PITPNM2: variants seen among roughly 807,000 people sequenced by gnomAD.
The protein encoded by PITPNM2 is membrane-associated phosphatidylinositol transfer protein 2.
In PITPNM2, 35 loss-of-function variants were observed where a neutral mutation model predicts 132.2. The ratio of observed to expected loss-of-function variants is 0.26; its 90% CI spans 0.20 to 0.35. The LOEUF (loss-of-function observed/expected upper bound fraction) is 0.35. PITPNM2 is among the 10% of genes least tolerant of loss of function. The probability of loss-of-function intolerance (pLI) is 1.00; values close to 1 mark genes in which losing one functional copy is unlikely to be tolerated. For missense variants in PITPNM2, 1,332 were observed against 1,912.0 expected (o/e 0.70, Z 5.66); for synonymous variants, 738 against 799.2 (o/e 0.92, Z 1.29).
At chr12:123,130,650 G>A (rs1441178058) in intron 1 of PITPNM2, among the ~76,000 whole-genome samples, 1 of 152,138 alleles carries the variant, frequency 6.6e-6, no homozygotes, top group Admixed American at 6.5e-5. Context: ...CGTGGTGGCG[G>A]GCGCCTGTAG....
At chr12:123,122,011 C>T (rs1371433729) in intron 1 of PITPNM2, among the ~76,000 whole-genome samples, 3 of 152,160 alleles carry the variant, frequency 2.0e-5, no homozygotes, top group Non-Finnish European at 4.4e-5. Flanking sequence ...AGGCACACAC[C>T]GCCATGCCCA....
At position 123,108,283 on chromosome 12, in the gene PITPNM2, G is replaced by A. The variant is rs531850726; in HGVS notation, c.-96+2102C>T. ...ATTTTAGGTCTAAGTGAAGACCTTC[G>A]GATGAGGTGAGCTGCAAGGCCATGG... On this transcript the variant is annotated intron_variant, in intron 2 of 25. Coordinates refer to ENST00000320201, the MANE Select transcript of PITPNM2 (RefSeq NM_020845.3). This position sits in a 1 kb window ranked among gnomAD's most constrained non-coding sequence, Gnocchi z 4.4. 1.4e-3 allele frequency among the ~76,000 whole-genome samples: 206 copies of A among 152,274 alleles called. No homozygotes were observed. Among genetic ancestry groups the A allele is most frequent in the African/African-American group, 4.4e-3 (181 of 41,550 alleles).
At chr12:123,024,245 A>G (rs528331690) in intron 3 of PITPNM2, among the ~76,000 whole-genome samples, 2 of 152,328 alleles carry the variant, frequency 1.3e-5, no homozygotes, top group African/African-American at 4.8e-5. Flanking sequence ...CTTCACACTC[A>G]CTGGGGCGGT....
chr12:122,986,981 C>A (rs1304902992), intron 23 of PITPNM2, 152 bp from the exon 24 acceptor site: 6 of 1,139,344 alleles, frequency 5.3e-6, no homozygotes, highest in Non-Finnish European at 6.1e-6. Flanking sequence ...TGACGTGCTG[C>A]AGCAGGCCCT....
At position 123,113,993 on chromosome 12, in the gene PITPNM2, G is replaced by A. The variant is rs907086925; in HGVS notation, c.-199-3505C>T. On this transcript the variant is annotated intron_variant, in intron 1 of 25. Coordinates refer to ENST00000320201, the MANE Select transcript of PITPNM2 (RefSeq NM_020845.3). ...CCTTCACTTAGCATAATGTTTCTGA[G>A]GTTCACCAATGTTATAGCATTTGTG... Among the ~76,000 whole-genome samples the A allele has an allele frequency of 4.6e-5, 7 of 152,078 alleles. No homozygotes were observed. In the South Asian group the frequency reaches 1.2e-3, roughly 27 times the overall value.
chr12:122,988,667 C>G (rs182452416), intron 19 of PITPNM2, 57 bp downstream of exon 19: 1 of 1,495,658 alleles, frequency 6.7e-7, no homozygotes, highest in African/African-American at 1.4e-5. Context: ...TGAAATGTGG[C>G]CCTGTCATGG....
At chr12:123,061,048 CCATCCACCCATGCATT>C (rs1478770989) in intron 2 of PITPNM2, among the ~76,000 whole-genome samples, 30 of 152,110 alleles carry the variant, frequency 2.0e-4, no homozygotes, top group East Asian at 5.8e-4. Context: ...ATCCACTGAT[CCATCCACCCATGCATT>C]CATCCACCCA....
intron 2 of PITPNM2, chr12:123,075,541 C>T (rs903242166): frequency 6.6e-6 from 1 of 152,224 alleles, no homozygotes; most frequent in Non-Finnish European, 1.5e-5. Flanking sequence ...TGAATCCCAG[C>T]GCTCCTGTCA....
chr12:123,056,964 T>C (rs1592979065), intron 2 of PITPNM2, among the ~76,000 whole-genome samples: 1 of 152,170 alleles, frequency 6.6e-6, no homozygotes. Flanking sequence ...CTGCTCAGCC[T>C]TGGACAAGTC....
At chr12:123,053,177 GC>G in intron 2 of PITPNM2, among the ~76,000 whole-genome samples, 1 of 152,128 alleles carries the variant, frequency 6.6e-6, no homozygotes, top group East Asian at 1.9e-4. Flanking sequence ...AAGCCACCTT[GC>G]CTGGCCCTTT....
chr12:122,987,946 C>T (rs1250343376), intron 20 of PITPNM2, 45 bp from the exon 21 acceptor site: 1 of 1,536,166 alleles, frequency 6.5e-7, no homozygotes, highest in Middle Eastern at 1.7e-4. Context: ...CGGAGGGCAC[C>T]CCGGGTCCCT....
chr12:123,122,804 C>T (rs2043057871), intron 1 of PITPNM2, among the ~76,000 whole-genome samples: 1 of 152,192 alleles, frequency 6.6e-6, no homozygotes, highest in Non-Finnish European at 1.5e-5. Flanking sequence ...TACAGCCTGC[C>T]CTTTGCGGTA....
chr12:123,066,927 C>T (rs1021652493), intron 2 of PITPNM2, among the ~76,000 whole-genome samples: 16 of 152,162 alleles, frequency 1.1e-4, no homozygotes, highest in African/African-American at 3.4e-4. Context: ...CCACACTCCC[C>T]GGCCAGTGCA....
chr12:123,050,828 G>A (rs868171480), intron 2 of PITPNM2, among the ~76,000 whole-genome samples: 5 of 152,110 alleles, frequency 3.3e-5, no homozygotes, highest in African/African-American at 1.2e-4. Flanking sequence ...TCCTCCAGCC[G>A]ATGACAGATC....
At chr12:123,025,816 G>T (rs922314127) in intron 3 of PITPNM2, among the ~76,000 whole-genome samples, 11 of 152,176 alleles carry the variant, frequency 7.2e-5, no homozygotes. Flanking sequence ...TCATTTATTT[G>T]TGGCTATGCT....
chr12:123,112,631 C>G (rs1323055983), intron 1 of PITPNM2, among the ~76,000 whole-genome samples: 1 of 151,800 alleles, frequency 6.6e-6, no homozygotes, highest in African/African-American at 2.4e-5. Flanking sequence ...CTCCGCCTCC[C>G]GGGTTCACAC....
At chr12:123,051,387 G>T (rs1161147272) in intron 2 of PITPNM2, among the ~76,000 whole-genome samples, 1 of 152,200 alleles carries the variant, frequency 6.6e-6, no homozygotes, top group South Asian at 2.1e-4. Flanking sequence ...ATAAATGTTA[G>T]ACTTTCTCCA....
chr12:122,997,293 G>A (rs180999460), intron 11 of PITPNM2, 32 bp downstream of exon 11: 90 of 1,610,728 alleles, frequency 5.6e-5, no homozygotes, highest in Middle Eastern at 2.0e-4. Context: ...GTGCACTGCC[G>A]GAGGCTGCAA....
chr12:123,109,134 CCAGCAT>C (rs1031202971), intron 2 of PITPNM2, among the ~76,000 whole-genome samples: 1 of 152,218 alleles, frequency 6.6e-6, no homozygotes, highest in Non-Finnish European at 1.5e-5. Flanking sequence ...CCTACCCCCA[CCAGCAT>C]CCTCACCTCA....
Sources: gnomAD v4.1 joint callset for allele counts (sites outside exome capture counted in the v4.1 genomes callset) on GRCh38, gnomAD v4.1.1 for gene constraint, Gnocchi (gnomAD v3.1) non-coding constraint, MANE v1.5 for transcripts, NCBI Gene and HGNC (gene_info 2026-07-23, HGNC 2026-07-21) for gene names.